The following PHF14 variants were observed in gnomAD, a reference collection of about 807,000 sequenced individuals.
The protein encoded by PHF14 is PHD finger protein 14.
A neutral mutation model predicts 117.9 loss-of-function variants in PHF14; 55 were observed. The observed-to-expected ratio is 0.47, with a 90% CI of 0.38 to 0.58. The LOEUF (loss-of-function observed/expected upper bound fraction) is 0.58. Ranked by LOEUF, PHF14 falls within the 20% of genes least tolerant of loss-of-function variation. The pLI, the probability that PHF14 is intolerant of heterozygous loss-of-function variation, is 0.00. For synonymous variants in PHF14, 409 were observed against 368.6 expected, an observed-to-expected ratio of 1.11 and a Z score of -1.26; for missense variants, 978 against 1,122.2, an observed-to-expected ratio of 0.87 and a Z score of 1.84.
At chr7:11,075,249 C>T (rs1785788203) in intron 16 of PHF14, among the ~76,000 whole-genome samples, 2 of 152,204 alleles carry the variant, frequency 1.3e-5, no homozygotes. Context: ...TTTCAGACAT[C>T]TTTATAGCAA....
intron 8 of PHF14, 70 bp from the exon 9 acceptor site, chr7:11,036,348 C>A: frequency 1.6e-6 from 2 of 1,270,324 alleles, no homozygotes; most frequent in South Asian, 1.5e-5. Context: ...GAATAAAAAT[C>A]AATGTAAAAA....
intron 4 of PHF14, among the ~76,000 whole-genome samples, chr7:10,992,004 A>G (rs1640704): frequency 0.63 from 94,767 of 151,340 alleles, 30,207 homozygotes; most frequent in Middle Eastern, 0.7. Context: ...CTGATAGAAA[A>G]CATTCTTAAA....
At chr7:11,165,160 T>C (rs969888765) in intron 17 of PHF14, among the ~76,000 whole-genome samples, 2 of 152,188 alleles carry the variant, frequency 1.3e-5, no homozygotes, top group Non-Finnish European at 2.9e-5. Flanking sequence ...CTTGACCTTG[T>C]GATCCGCCTG....
rs112180411 is a variant in PHF14, at chr7:11,147,011, T to A, written c.2773-22405T>A. On this transcript the variant is annotated intron_variant, in intron 17 of 17. Transcript: ENST00000634607. ...ACAGGTGTGTGCCACGACACCTGGCTAATTTTGTATTTTTTAGTAGAGACT... is the reference window on the plus strand; with the variant it reads ...ACAGGTGTGTGCCACGACACCTGGCAAATTTTGTATTTTTTAGTAGAGACT... Among the ~76,000 whole-genome samples the A allele has an allele frequency of 3.5e-4, 54 of 152,206 alleles. 1 individual carries two copies. The highest frequency in any genetic ancestry group is 1.3e-3 in the African/African-American group (53 of 41,534).
intron 14 of PHF14, among the ~76,000 whole-genome samples, chr7:11,060,156 C>G (rs1785168646): frequency 6.6e-6 from 1 of 152,116 alleles, no homozygotes; most frequent in Middle Eastern, 3.2e-3. Flanking sequence ...AGATTATGGC[C>G]GTGAGCCATG....
At chr7:10,993,478 T>C (rs1356693657) in intron 4 of PHF14, among the ~76,000 whole-genome samples, 1 of 152,244 alleles carries the variant, frequency 6.6e-6, no homozygotes, top group Non-Finnish European at 1.5e-5. Context: ...TTTTTAGTAA[T>C]GTTTGTTGAG....
chr7:11,071,282 T>C (rs1411312181), intron 16 of PHF14: 1 of 518,552 alleles, frequency 1.9e-6, no homozygotes, highest in Admixed American at 1.9e-5. Flanking sequence ...CCATGTTACC[T>C]GTTTATTTAC....
chr7:11,158,571 G>A (rs1161858856), intron 17 of PHF14, among the ~76,000 whole-genome samples: 4 of 152,004 alleles, frequency 2.6e-5, no homozygotes. Flanking sequence ...TTTGAGTTTG[G>A]AAGACAGCTT....
chr7:10,992,270 T>G (rs1018881218), intron 4 of PHF14, among the ~76,000 whole-genome samples: 7 of 147,226 alleles, frequency 4.8e-5, no homozygotes, highest in Admixed American at 1.4e-4. Flanking sequence ...GCCAGGCTGG[T>G]CTCGATTTCC....
At chr7:11,111,288 A>T in intron 16 of PHF14, 62 bp from the exon 17 acceptor site, 2 of 753,284 alleles carry the variant, frequency 2.7e-6, no homozygotes, top group Admixed American at 2.5e-5. Context: ...TTGTCTTTTC[A>T]TGAAGTAGAT....
At chr7:11,056,479 A>G (rs1785024260) in intron 14 of PHF14, among the ~76,000 whole-genome samples, 1 of 152,042 alleles carries the variant, frequency 6.6e-6, no homozygotes, top group African/African-American at 2.4e-5. Context: ...TAACCCTGTT[A>G]ACATAAGCTA....
At chr7:11,035,504 A>T in intron 7 of PHF14, 136 bp from the exon 8 acceptor site, 1 of 472,478 alleles carries the variant, frequency 2.1e-6, no homozygotes, top group Non-Finnish European at 3.5e-6. Flanking sequence ...ATGTACAAAA[A>T]TTATTTTTGT....
chr7:11,008,893 G>A (rs1323080673), intron 4 of PHF14, among the ~76,000 whole-genome samples: 3 of 151,844 alleles, frequency 2.0e-5, no homozygotes, highest in Admixed American at 1.3e-4. Flanking sequence ...AAAATTAGCC[G>A]GGCATGGTGG....
chr7:11,010,098 C>T (rs761101353), intron 4 of PHF14, among the ~76,000 whole-genome samples: 2 of 151,976 alleles, frequency 1.3e-5, no homozygotes, highest in Non-Finnish European at 1.5e-5. Context: ...TGTGGATGCA[C>T]ATTTTATCTA....
intron 16 of PHF14, among the ~76,000 whole-genome samples, chr7:11,094,138 A>G (rs1786753472): frequency 6.6e-6 from 1 of 152,152 alleles, no homozygotes; most frequent in African/African-American, 2.4e-5. Context: ...TGGTCTTTCT[A>G]ATGGCCCAAA....
At chr7:11,156,248 C>T (rs1788846548) in intron 17 of PHF14, among the ~76,000 whole-genome samples, 1 of 152,068 alleles carries the variant, frequency 6.6e-6, no homozygotes, top group African/African-American at 2.4e-5. Context: ...TAATAAAGTG[C>T]CACTACTGAG....
rs139745531 is a variant in PHF14, at chr7:11,031,443, A to G, written c.1455+2625A>G. Among the ~76,000 whole-genome samples, 880 of 152,202 alleles carry G rather than the reference A, an allele frequency of 5.8e-3. 10 individuals are homozygous for G. Among genetic ancestry groups the G allele is most frequent in the African/African-American group, 0.02 (846 of 41,528 alleles). On this transcript the variant is annotated intron_variant, in intron 7 of 17. Transcript: ENST00000634607. ...ATATTTAAAACCATGTTATGACACAACATCTTATTTTTAAAACTGGACTAT... is the reference window on the plus strand; with the variant it reads ...ATATTTAAAACCATGTTATGACACAGCATCTTATTTTTAAAACTGGACTAT...
intron 17 of PHF14, among the ~76,000 whole-genome samples, chr7:11,150,336 A>G (rs1788669705): frequency 2.0e-5 from 3 of 152,164 alleles, no homozygotes; most frequent in Admixed American, 2.0e-4. Flanking sequence ...AGAAACATGA[A>G]GGTTTCTGTG....
chr7:11,102,803 A>G (rs932951112), intron 16 of PHF14: 32 of 1,312,546 alleles, frequency 2.4e-5, no homozygotes, highest in Admixed American at 3.2e-5. Context: ...TGATGTGTGC[A>G]TTGTTGAAAA....
Sources: allele counts gnomAD v4.1 joint callset (sites outside exome capture counted in the v4.1 genomes callset), GRCh38; gene constraint gnomAD v4.1.1; transcripts MANE v1.5; gene names NCBI Gene and HGNC (gene_info 2026-07-23, HGNC 2026-07-21).